SLC25A13: variants seen among roughly 807,000 people sequenced by gnomAD.
SLC25A13 encodes the protein solute carrier family 25 member 13, also known as electrogenic aspartate/glutamate antiporter SLC25A13, mitochondrial.
Under a neutral mutation model 85.5 loss-of-function variants are expected in SLC25A13, and 70 were observed. That is an observed-to-expected ratio of 0.82 (90% CI 0.68 to 1.00). The LOEUF (loss-of-function observed/expected upper bound fraction) is 1.00, where lower values mean the gene tolerates loss of function less well. SLC25A13 is among the 50% of genes least tolerant of loss of function. The pLI, the probability that SLC25A13 is intolerant of heterozygous loss-of-function variation, is 0.00. For synonymous variants in SLC25A13, 259 were observed against 288.7 expected, an observed-to-expected ratio of 0.90 and a Z score of 1.04; for missense variants, 765 against 819.8, an observed-to-expected ratio of 0.93 and a Z score of 0.82.
chr7:96,280,147 A>G (rs564955167), intron 2 of SLC25A13, among the ~76,000 whole-genome samples: 1 of 152,122 alleles, frequency 6.6e-6, no homozygotes, highest in Admixed American at 6.5e-5. Context: ...GCAAGATTAC[A>G]TGCTATAACT....
intron 14 of SLC25A13, among the ~76,000 whole-genome samples, chr7:96,135,178 T>G (rs1792223437): frequency 6.6e-6 from 1 of 152,272 alleles, no homozygotes; most frequent in East Asian, 1.9e-4. Flanking sequence ...TGAAAGTCCT[T>G]GTAAGGTATC....
chr7:96,274,169 A>G (rs1798353313), intron 3 of SLC25A13, among the ~76,000 whole-genome samples: 1 of 151,990 alleles, frequency 6.6e-6, no homozygotes, highest in Non-Finnish European at 1.5e-5. Flanking sequence ...CCCAGTCATC[A>G]AGGCCTTCAT....
chr7:96,143,025 G>A (rs1031473837), intron 14 of SLC25A13, among the ~76,000 whole-genome samples: 2 of 152,180 alleles, frequency 1.3e-5, no homozygotes, highest in Non-Finnish European at 2.9e-5. Context: ...ATTCCTAAGT[G>A]ACCCTCCAAG....
chr7:96,241,166 A>T (rs571652441), intron 3 of SLC25A13, among the ~76,000 whole-genome samples: 5 of 152,194 alleles, frequency 3.3e-5, no homozygotes, highest in African/African-American at 4.8e-5. Context: ...ACAACACAGC[A>T]AGAGTCTCAA....
chr7:96,255,540 A>G (rs748824459), intron 3 of SLC25A13, among the ~76,000 whole-genome samples: 11 of 152,160 alleles, frequency 7.2e-5, no homozygotes, highest in Non-Finnish European at 4.4e-5. Context: ...TTAAAAATTT[A>G]GCCAGCCATG....
At chr7:96,131,270 G>C (rs1360067920) in intron 15 of SLC25A13, among the ~76,000 whole-genome samples, 2 of 152,020 alleles carry the variant, frequency 1.3e-5, no homozygotes, top group Non-Finnish European at 2.9e-5. Flanking sequence ...GTAACACAGG[G>C]AGGAAACAGG....
At chr7:96,134,814 A>ATATATATATATATATATATATAC (rs1554337570) in intron 14 of SLC25A13, among the ~76,000 whole-genome samples, 1 of 64,430 alleles carries the variant, frequency 1.6e-5, no homozygotes, top group Non-Finnish European at 3.1e-5. Flanking sequence ...TATATATATA[A>ATATATATATATATATATATATAC]CCCTGAGGAA....
intron 5 of SLC25A13, among the ~76,000 whole-genome samples, chr7:96,195,788 T>C (rs1472598814): frequency 6.6e-6 from 1 of 152,188 alleles, no homozygotes; most frequent in Non-Finnish European, 1.5e-5. Flanking sequence ...CCACTTCCTT[T>C]AAGCTTAGCT....
At chr7:96,238,854 G>A (rs1220436955) in intron 3 of SLC25A13, among the ~76,000 whole-genome samples, 2 of 151,786 alleles carry the variant, frequency 1.3e-5, no homozygotes, top group Admixed American at 1.3e-4. Flanking sequence ...TCATTAAATA[G>A]AATCACACTA....
At chr7:96,316,412 T>C (rs965340816) in intron 1 of SLC25A13, among the ~76,000 whole-genome samples, 8 of 152,272 alleles carry the variant, frequency 5.3e-5, no homozygotes, top group Admixed American at 3.9e-4. Context: ...TGTTCTAAGA[T>C]AAGAACTACT....
In SLC25A13 at chr7:96,208,994, C is replaced by G. The variant is rs185938432; in HGVS notation, c.329-17G>C. ...TAACATCCTCTGAAAAGAGAAAAGACAGGTTGATTAAAACAAAGTAAATGA... is the reference window on the plus strand; with the variant it reads ...TAACATCCTCTGAAAAGAGAAAAGAGAGGTTGATTAAAACAAAGTAAATGA... On this transcript the variant is annotated splice_polypyrimidine_tract_variant and intron_variant, in intron 4 of 17. Transcript: ENST00000265631. The G allele has an allele frequency of 1.9e-4, 300 of 1,613,276 alleles. No homozygotes were observed. The African/African-American group carries it at 3.4e-3, about 18-fold the overall frequency.
chr7:96,313,131 C>T (rs1177909353), intron 1 of SLC25A13, among the ~76,000 whole-genome samples: 1 of 152,166 alleles, frequency 6.6e-6, no homozygotes, highest in African/African-American at 2.4e-5. Context: ...TCTTCCAGCT[C>T]AAACTAAACA....
At chr7:96,259,756 C>T (rs376781336) in intron 3 of SLC25A13, among the ~76,000 whole-genome samples, 4 of 152,194 alleles carry the variant, frequency 2.6e-5, no homozygotes, top group African/African-American at 7.2e-5. Context: ...CACATGCACA[C>T]GTATGTTTAT....
intron 3 of SLC25A13, among the ~76,000 whole-genome samples, chr7:96,242,970 T>G (rs1236761612): frequency 1.3e-5 from 2 of 152,066 alleles, no homozygotes; most frequent in African/African-American, 4.8e-5. Flanking sequence ...ACAGTCTGAC[T>G]CTTTTTTTTT....
intron 13 of SLC25A13, among the ~76,000 whole-genome samples, chr7:96,167,771 G>C (rs1793815013): frequency 1.3e-5 from 2 of 152,148 alleles, no homozygotes; most frequent in Admixed American, 6.5e-5. Context: ...AGAAGACTTT[G>C]CCAAAGCCTG....
chr7:96,321,056 G>T (rs1584621520), intron 1 of SLC25A13, among the ~76,000 whole-genome samples: 1 of 152,222 alleles, frequency 6.6e-6, no homozygotes, highest in East Asian at 1.9e-4. Context: ...AATTCCAAAT[G>T]ATTCAAGTGA....
intron 15 of SLC25A13, among the ~76,000 whole-genome samples, chr7:96,130,958 T>C (rs75374197): frequency 0.011 from 1,666 of 152,320 alleles, 27 homozygotes; most frequent in African/African-American, 0.039. Flanking sequence ...GTTGTTCTTA[T>C]GCTATCTTTG....
At chr7:96,245,104 G>C (rs1200452734) in intron 3 of SLC25A13, among the ~76,000 whole-genome samples, 1 of 152,088 alleles carries the variant, frequency 6.6e-6, no homozygotes, top group Non-Finnish European at 1.5e-5. Flanking sequence ...TGCCAACCAG[G>C]GGGATTTACT....
intron 1 of SLC25A13, among the ~76,000 whole-genome samples, chr7:96,304,067 G>T: frequency 6.6e-6 from 1 of 151,966 alleles, no homozygotes; most frequent in South Asian, 2.1e-4. Flanking sequence ...AGAAGAAAAA[G>T]GTATCTCAAA....
Sources: gnomAD v4.1 joint callset for allele counts (sites outside exome capture counted in the v4.1 genomes callset) on GRCh38, gnomAD v4.1.1 for gene constraint, MANE v1.5 for transcripts, NCBI Gene and HGNC (gene_info 2026-07-23, HGNC 2026-07-21) for gene names.